The following COQ4 variants were observed in gnomAD, a reference collection of about 807,000 sequenced individuals.
COQ4 encodes the protein ubiquinone biosynthesis protein COQ4 homolog, mitochondrial.
In COQ4, 36 loss-of-function variants were observed where a neutral mutation model predicts 30.2. The observed-to-expected ratio is 1.19, with a 90% CI of 0.91 to 1.57. COQ4 has a LOEUF of 1.57. Among genes scored for constraint, COQ4 ranks in the 40% most tolerant of loss-of-function variants. COQ4 has a pLI of 0.00. For synonymous variants in COQ4, 197 were observed against 161.0 expected (o/e 1.22, Z -1.69); for missense variants, 369 against 371.9 (o/e 0.99, Z 0.07).
chr9:128,332,206 A>T lies in COQ4; in HGVS notation c.456A>T (p.Leu152=), dbSNP rs748087262. Residue 152 remains leucine (L), a synonymous_variant, in exon 5 of 7, where the codon CTA becomes CTT. Transcript: ENST00000300452. The stretch of plus-strand genomic sequence containing the variant: ...CCCGCTTCGTGGATGATGAGGAGCT[A>T]GCGTATGTGATTCAGCGGTACCGGG... ...APTRFVDDEE[L]AYVIQRYREV... 17 of 1,609,970 alleles carry T rather than the reference A, an allele frequency of 1.1e-5. No individual in the cohort carries two copies. Among genetic ancestry groups the T allele is most frequent in the Non-Finnish European group, 1.3e-5 (15 of 1,178,422 alleles).
At chr9:128,332,456 C>A in intron 5 of COQ4, 174 bp downstream of exon 5, 1 of 690,874 alleles carries the variant, frequency 1.4e-6, no homozygotes. Context: ...TCCCACTGCC[C>A]CTCAGGGCTC....
chr9:128,325,678 C>G, intron 3 of COQ4, 101 bp from the exon 4 acceptor site: 1 of 889,346 alleles, frequency 1.1e-6, no homozygotes, highest in Non-Finnish European at 1.8e-6. Context: ...GTGGTGGCCA[C>G]ATTGCTCCTC....
rs759529986 is a variant in COQ4, at chr9:128,322,847, A to G, written c.-12A>G. 56 of 1,541,606 alleles carry G rather than the reference A, an allele frequency of 3.6e-5. No homozygotes were observed. The highest frequency in any genetic ancestry group is 4.1e-5 in the Non-Finnish European group (47 of 1,146,806). On this transcript the variant is annotated 5_prime_UTR_variant, in exon 1 of 7. Coordinates refer to ENST00000300452, the MANE Select transcript of COQ4 (RefSeq NM_016035.5). ...CTTCGTACCCGCCCATCCTCCGCGGACGCCCGCTGCCATGGCGACTCTGCT... is the reference window on the plus strand; with the variant it reads ...CTTCGTACCCGCCCATCCTCCGCGGGCGCCCGCTGCCATGGCGACTCTGCT...
At chr9:128,329,268 A>G (rs2131229720) in intron 4 of COQ4, among the ~76,000 whole-genome samples, 1 of 152,328 alleles carries the variant, frequency 6.6e-6, no homozygotes, top group East Asian at 1.9e-4. Flanking sequence ...TATTAAGGCC[A>G]CTGGCTTTGG....
chr9:128,326,120 A>G, intron 4 of COQ4: 1 of 576,144 alleles, frequency 1.7e-6, no homozygotes, highest in Non-Finnish European at 3.1e-6. Flanking sequence ...TGCCAGCCTC[A>G]TCCGTGATCT....
intron 4 of COQ4, chr9:128,331,273 C>T (rs1397427262): frequency 6.6e-6 from 1 of 152,222 alleles, no homozygotes; most frequent in African/African-American, 2.4e-5. Flanking sequence ...CCATACTGGA[C>T]AGTGTAGGTC....
In COQ4 at chr9:128,332,907, T is replaced by C. The variant is rs892738300; in HGVS notation, c.590T>C (p.Leu197Pro). ...CAGACTGGCCTGCCCATGTGCATCC[T>C]GGGTGCATTCTTTGGACCGATCCGA... ...AVQTGLPMCI[L>P]GAFFGPIRLG... The change falls in exon 6 of 7, where the codon CTG (leucine) becomes CCG (proline). Residue 197 changes from leucine (L) to proline (P), a missense_variant. Physicochemically the swap from Leu to Pro is moderately conservative, Grantham distance 98. Coordinates refer to ENST00000300452, the MANE Select transcript of COQ4 (RefSeq NM_016035.5). 1.9e-6 allele frequency: 3 copies of C among 1,614,202 alleles called. No homozygotes were observed. Among genetic ancestry groups the C allele is most frequent in the Non-Finnish European group, 1.7e-6 (2 of 1,180,014 alleles).
intron 4 of COQ4, among the ~76,000 whole-genome samples, chr9:128,329,784 T>C (rs1399566232): frequency 7.2e-5 from 11 of 152,212 alleles, no homozygotes; most frequent in Admixed American, 6.5e-4. Flanking sequence ...GTGGATACTC[T>C]ATGATCACCT....
intron 4 of COQ4, among the ~76,000 whole-genome samples, chr9:128,326,858 C>T (rs927792321): frequency 1.3e-5 from 2 of 152,136 alleles, no homozygotes; most frequent in Admixed American, 6.5e-5. Context: ...AAGCGATTCT[C>T]CTGCCTCAAC....
intron 4 of COQ4, among the ~76,000 whole-genome samples, chr9:128,328,549 A>G (rs969090795): frequency 1.4e-4 from 22 of 152,112 alleles, no homozygotes; most frequent in African/African-American, 5.1e-4. Context: ...GGATGCCAGG[A>G]GCACCCCCCC....
In COQ4 at chr9:128,332,926, G is replaced by A. The variant is rs770218973; in HGVS notation, c.609G>A (p.Pro203=). 11 of 1,613,856 alleles carry A rather than the reference G, an allele frequency of 6.8e-6. No individual in the cohort carries two copies. The highest frequency in any genetic ancestry group is 2.7e-5 in the African/African-American group (2 of 74,938). ...GCATCCTGGGTGCATTCTTTGGACC[G>A]ATCCGACTTGGCGCTCAGTAAGTTT... ...PMCILGAFFG[P]IRLGAQSLQV... is the part of the protein sequence containing the mutation. The change falls in exon 6 of 7, where the codon CCG becomes CCA. Residue 203 remains proline, a synonymous_variant. Transcript: ENST00000300452.
intron 4 of COQ4, 99 bp downstream of exon 4, chr9:128,325,980 C>T (rs1219893829): frequency 1.9e-6 from 2 of 1,063,434 alleles, no homozygotes; most frequent in East Asian, 5.0e-5. Context: ...GAGCTGCCAC[C>T]ATTGGCAGGA....
intron 4 of COQ4, among the ~76,000 whole-genome samples, chr9:128,326,753 G>GTT (rs1832329000): frequency 1.3e-5 from 2 of 150,920 alleles, no homozygotes; most frequent in Non-Finnish European, 3.0e-5. Context: ...CATCCTTTTT[G>GTT]TTTTGTTTTG....
At chr9:128,332,537 GCT>G in intron 5 of COQ4, 1 of 585,760 alleles carries the variant, frequency 1.7e-6, no homozygotes, top group Non-Finnish European at 3.0e-6. Context: ...CTGCCTCCCT[GCT>G]CTGAAACCTC....
chr9:128,333,090 G>A (rs1367640547), intron 6 of COQ4, 147 bp downstream of exon 6: 2 of 690,952 alleles, frequency 2.9e-6, no homozygotes, highest in Non-Finnish European at 5.2e-6. Context: ...AGAAAGAATG[G>A]AGCAGAGATG....
chr9:128,333,421 G>A (rs984414339), intron 6 of COQ4, 53 bp from the exon 7 acceptor site: 8 of 1,431,380 alleles, frequency 5.6e-6, no homozygotes, highest in South Asian at 1.5e-5. Context: ...CCGAGCAGTC[G>A]AGTGCCTGGC....
chr9:128,323,047 C>G lies in COQ4; in HGVS notation c.102C>G (p.Ala34=). The change falls in exon 2 of 7, where the codon GCC becomes GCG. Residue 34 remains alanine, a synonymous_variant. Coordinates refer to ENST00000300452, the MANE Select transcript of COQ4 (RefSeq NM_016035.5). ...CCCTCCGGGCTAGGAGCGACGGCGC[C>G]GGCCCGCTATACTCGCACCACCTCC... The part of the protein sequence containing the change: ...EMPLRARSDG[A]GPLYSHHLPT... 1 of 1,612,144 alleles carries G rather than the reference C, an allele frequency of 6.2e-7. No homozygotes were observed. The highest frequency in any genetic ancestry group is 8.5e-7 in the Non-Finnish European group (1 of 1,179,818).
Position 128,333,922 on chromosome 9 carries a change from T to A in COQ4, c.*277T>A, listed in dbSNP as rs1390016745. 12 of 267,666 alleles carry A rather than the reference T, an allele frequency of 4.5e-5. No homozygotes were observed. The South Asian group carries it at 6.8e-4, about 15-fold the overall frequency. 16.6% of individuals were successfully genotyped at this position (267,666 alleles called of 1,614,324 possible). A position where few individuals can be genotyped will look rare whatever the true frequency, so the allele number is the denominator to read the frequency against. ...GGCTCATGCTGGGATGTCGCAGTGC[T>A]CCTGTTGCAACTCCTCCCAGCCAGC... On this transcript the variant is annotated 3_prime_UTR_variant, in exon 7 of 7. Transcript: ENST00000300452.
At position 128,325,216 on chromosome 9, in the gene COQ4, T is replaced by A; in HGVS notation, c.276T>A (p.Asp92Glu). The A allele has an allele frequency of 1.2e-6, 2 of 1,614,010 alleles. No homozygotes were observed. Among genetic ancestry groups the A allele is most frequent in the Middle Eastern group, 1.7e-4 (1 of 6,060 alleles). Residue 92 changes from aspartate (D) to glutamate (E), a missense_variant, in exon 3 of 7, where the codon GAT becomes GAA. Physicochemically the swap from Asp to Glu is conservative, Grantham distance 45. Transcript: ENST00000300452. ...LKVLRDQMRR[D>E]PEGAQILQER... Reference sequence around the variant, plus strand: ...TCCTCAGGGACCAGATGAGGAGGGATCCAGAGGGTGCCCAGATCCTGCAGT... The same window carrying A: ...TCCTCAGGGACCAGATGAGGAGGGAACCAGAGGGTGCCCAGATCCTGCAGT...
Sources: gnomAD v4.1 joint callset for allele counts (sites outside exome capture counted in the v4.1 genomes callset) on GRCh38, gnomAD v4.1.1 for gene constraint, MANE v1.5 for transcripts, NCBI Gene and HGNC (gene_info 2026-07-23, HGNC 2026-07-21) for gene names.